The following ABHD16B variants were observed in gnomAD, a reference collection of about 807,000 sequenced individuals.
ABHD16B encodes abhydrolase domain-containing protein 16B.
ABHD16B carries 14 observed loss-of-function variants against 10.5 expected under a neutral mutation model. The ratio of observed to expected loss-of-function variants is 1.33; its 90% CI spans 0.88 to 2.08. The LOEUF is 2.08. ABHD16B is among the 30% of genes most tolerant of loss of function. The probability of loss-of-function intolerance (pLI) is 0.00; values close to 1 mark genes in which losing one functional copy is unlikely to be tolerated. For missense variants in ABHD16B, 763 were observed against 717.4 expected (o/e 1.06, Z -0.73); for synonymous variants, 374 against 337.9 (o/e 1.11, Z -1.17).
Position 63,862,065 on chromosome 20 carries a change from C to T in ABHD16B, c.525C>T (p.Ile175=), listed in dbSNP as rs1296286568. 1 of 1,611,302 alleles carries T rather than the reference C, an allele frequency of 6.2e-7. No homozygotes were observed. The highest frequency in any genetic ancestry group is 2.2e-5 in the East Asian group (1 of 44,846). The change falls in exon 1 of 1, where the codon ATC becomes ATT. Residue 175 remains isoleucine, a synonymous_variant. Coordinates refer to ENST00000369916, the MANE Select transcript of ABHD16B (RefSeq NM_080622.4). The surrounding 1 kb of genome is among the most constrained non-coding windows in gnomAD (Gnocchi z 7.5). ...GSHVHGPRLV[I]CCEGNAGFYE... is the part of the protein sequence containing the mutation. The stretch of plus-strand genomic sequence containing the variant: ...ACGTGCACGGGCCGCGCCTCGTCAT[C>T]TGCTGCGAAGGCAACGCGGGCTTCT...
Position 63,861,878 on chromosome 20 carries a change from C to CCGGCTCCGTGTCCCT in ABHD16B, c.339_353dup (p.Gly114_Leu118dup). The CCGGCTCCGTGTCCCT allele has an allele frequency of 6.4e-7, 1 of 1,560,340 alleles. No homozygotes were observed. Among genetic ancestry groups the CCGGCTCCGTGTCCCT allele is most frequent in the Non-Finnish European group, 8.7e-7 (1 of 1,153,984 alleles). On this transcript the variant is annotated inframe_insertion, in exon 1 of 1. Transcript: ENST00000369916. This position sits in a 1 kb window ranked among gnomAD's most constrained non-coding sequence, Gnocchi z 5.4. ...TCGCTGGGCCGCTGGCTCGTGTACC[C>CCGGCTCCGTGTCCCT]CGGCTCCGTGTCCCTGATGACGCGC...
At position 63,862,391 on chromosome 20, in the gene ABHD16B, C is replaced by T; in HGVS notation, c.851C>T (p.Pro284Leu). Residue 284 changes from proline (P) to leucine (L), a missense_variant, in exon 1 of 1, where the codon CCC becomes CTC. Coordinates refer to ENST00000369916, the MANE Select transcript of ABHD16B (RefSeq NM_080622.4). The surrounding 1 kb of genome is among the most constrained non-coding windows in gnomAD (Gnocchi z 7.5). Reference sequence around the variant, plus strand: ...GTGCCGCTGGCGCTGAAGGTCATGCCCCACAGTTGGAAGGGGCTGGTGGTG... The same window carrying T: ...GTGCCGCTGGCGCTGAAGGTCATGCTCCACAGTTGGAAGGGGCTGGTGGTG... Reference protein sequence around the residue: ...DLVPLALKVMPHSWKGLVVRT... With the variant: ...DLVPLALKVMLHSWKGLVVRT... 3.7e-6 allele frequency: 6 copies of T among 1,603,278 alleles called. No homozygotes were observed. The highest frequency in any genetic ancestry group is 5.1e-6 in the Non-Finnish European group (6 of 1,176,240).
rs756262255 is a variant in ABHD16B, at chr20:63,862,359, C to T, written c.819C>T (p.Asp273=). Residue 273 remains aspartate (D), a synonymous_variant, in exon 1 of 1, where the codon GAC becomes GAT. Transcript: ENST00000369916. The surrounding 1 kb of genome is among the most constrained non-coding windows in gnomAD (Gnocchi z 7.5). The part of the protein sequence containing the change: ...LGALVLDATF[D]DLVPLALKVM... ...CACTGGTGCTGGACGCCACCTTCGA[C>T]GACCTTGTGCCGCTGGCGCTGAAGG... is the stretch of plus-strand genomic sequence containing the variant. 1.9e-6 allele frequency: 3 copies of T among 1,611,376 alleles called. No individual in the cohort carries two copies. In the South Asian group the frequency reaches 3.3e-5, roughly 18 times the overall value.
chr20:63,862,924 G>T lies in ABHD16B; in HGVS notation c.1384G>T (p.Glu462Ter). 1 of 1,494,626 alleles carries T rather than the reference G, an allele frequency of 6.7e-7. No homozygotes were observed. Among genetic ancestry groups the T allele is most frequent in the Non-Finnish European group, 8.9e-7 (1 of 1,121,756 alleles). The allele number at this position is 1,494,626 out of a possible 1,614,324, so 92.6% of individuals were successfully genotyped here. ...ATHFSPLEPE[E>*]FQLPWRL ...TCACTTCAGCCCTCTGGAGCCTGAGGAGTTTCAGTTGCCCTGGCGGCTGTA... is the reference window on the plus strand; with the variant it reads ...TCACTTCAGCCCTCTGGAGCCTGAGTAGTTTCAGTTGCCCTGGCGGCTGTA... The change falls in exon 1 of 1, where the codon GAG (glutamate) becomes TAG (stop). Residue 462 changes from glutamate to a stop codon, truncating the protein, a stop_gained. Coordinates refer to ENST00000369916, the MANE Select transcript of ABHD16B (RefSeq NM_080622.4). LOFTEE classifies it high-confidence loss of function. This position sits in a 1 kb window ranked among gnomAD's most constrained non-coding sequence, Gnocchi z 7.5.
rs773868739 is a variant in ABHD16B at position 63,861,838 on chromosome 20, T to TACGCGCTGGCCC, written c.301_312dup (p.Ala101_His104dup). On this transcript the variant is annotated inframe_insertion, in exon 1 of 1. Transcript: ENST00000369916. The surrounding 1 kb of genome is among the most constrained non-coding windows in gnomAD (Gnocchi z 5.4). ...CGAGCTGCCCGGCCAGCTCGCTAGC[T>TACGCGCTGGCCC]ACGCGCTGGCCCACTCGCTGGGCCG... 1 of 1,536,548 alleles carries TACGCGCTGGCCC rather than the reference T, an allele frequency of 6.5e-7. No individual in the cohort carries two copies. The highest frequency in any genetic ancestry group is 1.2e-5 in the South Asian group (1 of 85,530).
Position 63,862,679 on chromosome 20 carries a change from AG to A in ABHD16B, c.1141del (p.Ala381ProfsTer50). On this transcript the variant is annotated frameshift_variant, in exon 1 of 1. Coordinates refer to ENST00000369916, the MANE Select transcript of ABHD16B (RefSeq NM_080622.4). LOFTEE classifies it low-confidence loss of function (END_TRUNC). This position sits in a 1 kb window ranked among gnomAD's most constrained non-coding sequence, Gnocchi z 7.5. ...RWLRAGSLAQ[E>X]AAFYARYRVD... Reference sequence around the variant, plus strand: ...CTGCGCGCTGGCAGCTTGGCGCAGGAGGCCGCCTTCTATGCACGCTACCGCG... The same window carrying A: ...CTGCGCGCTGGCAGCTTGGCGCAGGAGCCGCCTTCTATGCACGCTACCGCG... 13 of 1,535,512 alleles carry A rather than the reference AG, an allele frequency of 8.5e-6. No homozygotes were observed. The highest frequency in any genetic ancestry group is 1.1e-5 in the Non-Finnish European group (13 of 1,145,644).
At position 63,861,972 on chromosome 20, in the gene ABHD16B, G is replaced by T; in HGVS notation, c.432G>T (p.Lys144Asn). The T allele has an allele frequency of 6.3e-7, 1 of 1,595,158 alleles. No individual in the cohort carries two copies. ...AGCGCTACCACGGCCGGCGCGCCAA[G>T]CTGGTGGCCTGTGACGGCAACGAGA... is the stretch of plus-strand genomic sequence containing the variant. ...LVERYHGRRA[K>N]LVACDGNEID... is the part of the protein sequence containing the mutation. Residue 144 changes from lysine to asparagine, a missense_variant, in exon 1 of 1, where the codon AAG becomes AAT. Transcript: ENST00000369916. The surrounding 1 kb of genome is among the most constrained non-coding windows in gnomAD (Gnocchi z 5.4).
chr20:63,862,049 G>C lies in ABHD16B; in HGVS notation c.509G>C (p.Gly170Ala). Residue 170 changes from glycine to alanine, a missense_variant, in exon 1 of 1, where the codon GGG (glycine) becomes GCG (alanine). Coordinates refer to ENST00000369916, the MANE Select transcript of ABHD16B (RefSeq NM_080622.4). This position sits in a 1 kb window ranked among gnomAD's most constrained non-coding sequence, Gnocchi z 7.5. Reference sequence around the variant, plus strand: ...CAGCACCCGGGCAGCCACGTGCACGGGCCGCGCCTCGTCATCTGCTGCGAA... The same window carrying C: ...CAGCACCCGGGCAGCCACGTGCACGCGCCGCGCCTCGTCATCTGCTGCGAA... ...RRQHPGSHVH[G>A]PRLVICCEGN... 2 of 1,610,040 alleles carry C rather than the reference G, an allele frequency of 1.2e-6. No individual in the cohort carries two copies. The highest frequency in any genetic ancestry group is 1.7e-6 in the Non-Finnish European group (2 of 1,179,532).
Position 63,862,449 on chromosome 20 carries a change from G to A in ABHD16B, c.909G>A (p.Val303=). The A allele has an allele frequency of 6.4e-7, 1 of 1,570,386 alleles. No individual in the cohort carries two copies. The highest frequency in any genetic ancestry group is 8.6e-7 in the Non-Finnish European group (1 of 1,162,690). ...TGCGCGAGCACTTCAACCTCAACGT[G>A]GCCGAGCAGCTGTGCTGCTACCCGG... ...RTVREHFNLN[V]AEQLCCYPGP... is the part of the protein sequence containing the mutation. Residue 303 remains valine (V), a synonymous_variant, in exon 1 of 1, where the codon GTG becomes GTA. Coordinates refer to ENST00000369916, the MANE Select transcript of ABHD16B (RefSeq NM_080622.4). This position sits in a 1 kb window ranked among gnomAD's most constrained non-coding sequence, Gnocchi z 7.5.
Position 63,862,593 on chromosome 20 carries a change from G to T in ABHD16B, c.1053G>T (p.Leu351=). 6.4e-7 allele frequency: 1 copy of T among 1,559,762 alleles called. No homozygotes were observed. The highest frequency in any genetic ancestry group is 1.2e-5 in the South Asian group (1 of 86,032). Residue 351 remains leucine, a synonymous_variant, in exon 1 of 1, where the codon CTG becomes CTT. Transcript: ENST00000369916. The surrounding 1 kb of genome is among the most constrained non-coding windows in gnomAD (Gnocchi z 7.5). ...GGGGCAATGAGCTGCTGCTGCGCCT[G>T]CTGGAGCACCGCTACCCCGTCGTGA... The part of the protein sequence containing the change: ...GNRGNELLLR[L]LEHRYPVVMA...
chr20:63,861,738 G>A lies in ABHD16B; in HGVS notation c.198G>A (p.Thr66=), dbSNP rs1346444327. The change falls in exon 1 of 1, where the codon ACG becomes ACA. Residue 66 remains threonine (T), a synonymous_variant. Transcript: ENST00000369916. This position sits in a 1 kb window ranked among gnomAD's most constrained non-coding sequence, Gnocchi z 5.4. Reference sequence around the variant, plus strand: ...GCGTGTGGTTGCTGCGGGACGAGACGCTGGGCGGGGATGCGCTGGGGCGGC... The same window carrying A: ...GCGTGTGGTTGCTGCGGGACGAGACACTGGGCGGGGATGCGCTGGGGCGGC... ...AAGVWLLRDE[T]LGGDALGRPP... is the part of the protein sequence containing the mutation. The A allele has an allele frequency of 2.8e-6, 4 of 1,417,732 alleles. No homozygotes were observed. Among genetic ancestry groups the A allele is most frequent in the African/African-American group, 1.5e-5 (1 of 65,676 alleles). 87.8% of individuals were successfully genotyped at this position (1,417,732 alleles called of 1,614,324 possible). A position where few individuals can be genotyped will look rare whatever the true frequency, so the allele number is the denominator to read the frequency against.
chr20:63,862,203 C>A lies in ABHD16B; in HGVS notation c.663C>A (p.Asn221Lys). 1 of 1,611,392 alleles carries A rather than the reference C, an allele frequency of 6.2e-7. No homozygotes were observed. ...TGCCCTTCCCTCAGCACGACGCCAA[C>A]GCCATGGACGTGGTGGTCGAGTACG... Reference protein sequence around the residue: ...TGVPFPQHDANAMDVVVEYAL... With the variant: ...TGVPFPQHDAKAMDVVVEYAL... Residue 221 changes from asparagine (N) to lysine (K), a missense_variant, in exon 1 of 1, where the codon AAC becomes AAA. Asn to Lys is a moderately conservative substitution (Grantham distance 94, BLOSUM62 0). Transcript: ENST00000369916. This position sits in a 1 kb window ranked among gnomAD's most constrained non-coding sequence, Gnocchi z 7.5.
rs369855711 is a variant in ABHD16B, at chr20:63,862,838, G to C, written c.1298G>C (p.Arg433Pro). ...PWLVGQGLSS[R>P]RRRRLALFLA... ...CTGGTGGGCCAGGGCCTGAGCTCGCGGCGGCGCCGGCGCCTCGCACTGTTC... is the reference window on the plus strand; with the variant it reads ...CTGGTGGGCCAGGGCCTGAGCTCGCCGCGGCGCCGGCGCCTCGCACTGTTC... The change falls in exon 1 of 1, where the codon CGG becomes CCG. Residue 433 changes from arginine to proline, a missense_variant. Arg to Pro is a moderately radical substitution (Grantham distance 103). Transcript: ENST00000369916. This position sits in a 1 kb window ranked among gnomAD's most constrained non-coding sequence, Gnocchi z 7.5. The C allele has an allele frequency of 8.9e-4, 1,369 of 1,535,226 alleles. 17 individuals carry two copies. The South Asian group carries it at 0.015, about 17-fold the overall frequency.
rs2052108803 is a variant in ABHD16B at position 63,862,988 on chromosome 20, C to T, written c.*38C>T. 6.0e-6 allele frequency: 7 copies of T among 1,172,754 alleles called. No individual in the cohort carries two copies. Among genetic ancestry groups the T allele is most frequent in the Non-Finnish European group, 7.5e-6 (7 of 930,686 alleles). 72.6% of individuals were successfully genotyped at this position (1,172,754 alleles called of 1,614,324 possible). A position where few individuals can be genotyped will look rare whatever the true frequency, so the allele number is the denominator to read the frequency against. ...AGTGGGGGATCACGCACTTGAACTC[C>T]TGGCCTTCTTGGTTCACCTCCCCAT... On this transcript the variant is annotated 3_prime_UTR_variant, in exon 1 of 1. Coordinates refer to ENST00000369916, the MANE Select transcript of ABHD16B (RefSeq NM_080622.4). The surrounding 1 kb of genome is among the most constrained non-coding windows in gnomAD (Gnocchi z 7.5).
chr20:63,861,860 G>A lies in ABHD16B; in HGVS notation c.320G>A (p.Gly107Asp), dbSNP rs1392566977. Residue 107 changes from glycine (G) to aspartate (D), a missense_variant, in exon 1 of 1, where the codon GGC becomes GAC. Physicochemically the swap from Gly to Asp is moderately conservative, Grantham distance 94. Coordinates refer to ENST00000369916, the MANE Select transcript of ABHD16B (RefSeq NM_080622.4). This position sits in a 1 kb window ranked among gnomAD's most constrained non-coding sequence, Gnocchi z 5.4. ...AGCTACGCGCTGGCCCACTCGCTGG[G>A]CCGCTGGCTCGTGTACCCCGGCTCC... ...LASYALAHSL[G>D]RWLVYPGSVS... 1.3e-6 allele frequency: 2 copies of A among 1,534,798 alleles called. No homozygotes were observed. The highest frequency in any genetic ancestry group is 1.8e-6 in the Non-Finnish European group (2 of 1,136,920).
At position 63,862,591 on chromosome 20, in the gene ABHD16B, C is replaced by A. The variant is rs1285400320; in HGVS notation, c.1051C>A (p.Leu351Met). The A allele has an allele frequency of 6.4e-7, 1 of 1,560,650 alleles. No individual in the cohort carries two copies. The highest frequency in any genetic ancestry group is 2.3e-5 in the East Asian group (1 of 42,792). Residue 351 changes from leucine to methionine, a missense_variant, in exon 1 of 1, where the codon CTG (leucine) becomes ATG (methionine). Coordinates refer to ENST00000369916, the MANE Select transcript of ABHD16B (RefSeq NM_080622.4). The surrounding 1 kb of genome is among the most constrained non-coding windows in gnomAD (Gnocchi z 7.5). The stretch of plus-strand genomic sequence containing the variant: ...CCGGGGCAATGAGCTGCTGCTGCGC[C>A]TGCTGGAGCACCGCTACCCCGTCGT... ...GNRGNELLLR[L>M]LEHRYPVVMA...
In ABHD16B at chr20:63,861,942, CG is replaced by C; in HGVS notation, c.403del (p.Val135TrpfsTer124). ...TGCTGCAGCAGGGCCAAGAGCGCCT[CG>C]TGGAGCGCTACCACGGCCGGCGCGC... ...PLLQQGQERL[V>X]ERYHGRRAKL... On this transcript the variant is annotated frameshift_variant, in exon 1 of 1. Coordinates refer to ENST00000369916, the MANE Select transcript of ABHD16B (RefSeq NM_080622.4). LOFTEE classifies it high-confidence loss of function. This position sits in a 1 kb window ranked among gnomAD's most constrained non-coding sequence, Gnocchi z 5.4. 1 of 1,596,008 alleles carries C rather than the reference CG, an allele frequency of 6.3e-7. No individual in the cohort carries two copies. Among genetic ancestry groups the C allele is most frequent in the South Asian group, 1.1e-5 (1 of 90,892 alleles).
chr20:63,862,857 A>G lies in ABHD16B; in HGVS notation c.1317A>G (p.Ala439=), dbSNP rs553699914. The change falls in exon 1 of 1, where the codon GCA becomes GCG. Residue 439 remains alanine, a synonymous_variant. Transcript: ENST00000369916. The surrounding 1 kb of genome is among the most constrained non-coding windows in gnomAD (Gnocchi z 7.5). The part of the protein sequence containing the change: ...GLSSRRRRRL[A]LFLARKHLKN... The stretch of plus-strand genomic sequence containing the variant: ...GCTCGCGGCGGCGCCGGCGCCTCGC[A>G]CTGTTCCTGGCTCGGAAGCACCTCA... 1.9e-4 allele frequency: 293 copies of G among 1,539,532 alleles called. 5 individuals are homozygous for G. The South Asian group carries it at 3.3e-3, about 17-fold the overall frequency.
Position 63,861,608 on chromosome 20 carries a change from CCTACCCATTCCGCGG to C in ABHD16B, c.71_85del (p.Tyr24_Gly28del), listed in dbSNP as rs1568928252. The C allele has an allele frequency of 6.4e-7, 1 of 1,556,562 alleles. No individual in the cohort carries two copies. The stretch of plus-strand genomic sequence containing the variant: ...AAGATCTACCTGACCGCCAGCTACA[CCTACCCATTCCGCGG>C]CTGGCCCGTGGCCTTCCGCTGGGAT... On this transcript the variant is annotated inframe_deletion, in exon 1 of 1. Transcript: ENST00000369916. The surrounding 1 kb of genome is among the most constrained non-coding windows in gnomAD (Gnocchi z 5.4).
Sources: allele counts gnomAD v4.1 joint callset, GRCh38; gene constraint gnomAD v4.1.1; non-coding constraint Gnocchi (gnomAD v3.1); transcripts MANE v1.5; gene names NCBI Gene and HGNC (gene_info 2026-07-23, HGNC 2026-07-21).